LRRC37A3: variants seen among roughly 807,000 people sequenced by gnomAD.
LRRC37A3 encodes the protein leucine-rich repeat-containing protein 37A3.
LRRC37A3 carries 25 observed loss-of-function variants against 106.2 expected under a neutral mutation model. That is an observed-to-expected ratio of 0.24 (90% CI 0.17 to 0.33). LRRC37A3 has a LOEUF of 0.33. Among genes scored for constraint, LRRC37A3 ranks in the 10% least tolerant of loss-of-function variants. The pLI is 1.00. For synonymous variants in LRRC37A3, 305 were observed against 635.8 expected (o/e 0.48, Z 7.83); for missense variants, 712 against 1,644.9 (o/e 0.43, Z 9.81).
intron 10 of LRRC37A3, among the ~76,000 whole-genome samples, chr17:64,863,895 C>T (rs528708188): frequency 6.6e-6 from 1 of 152,126 alleles, no homozygotes; most frequent in East Asian, 1.9e-4. Context: ...CCTCAACCCC[C>T]CTGGGCTCAA....
chr17:64,913,337 GTT>G (rs945846426), intron 2 of LRRC37A3, among the ~76,000 whole-genome samples: 9,452 of 103,784 alleles, frequency 0.091, 1,004 homozygotes, highest in African/African-American at 0.26. Context: ...CCTATTTTGG[GTT>G]TTTTTTTTTT....
At chr17:64,880,065 C>A (rs200262559) in intron 8 of LRRC37A3, among the ~76,000 whole-genome samples, 2 of 151,826 alleles carry the variant, frequency 1.3e-5, no homozygotes, top group Admixed American at 1.3e-4. Context: ...AACTAGGAAG[C>A]TCTTCTCCAG....
chr17:64,859,912 T>C lies in LRRC37A3; in HGVS notation c.4234A>G (p.Thr1412Ala), dbSNP rs768336757. The change falls in exon 12 of 15, where the codon ACC (threonine) becomes GCC (alanine). Residue 1412 changes from threonine (T) to alanine (A), a missense_variant. Thr to Ala is a moderately conservative substitution (Grantham distance 58). Coordinates refer to ENST00000584306, the MANE Select transcript of LRRC37A3 (RefSeq NM_199340.5). ...TTGTAGTTTGTGTTTTCAGAGATGG[T>C]TCCTTCTGGCATGTTAGTGTTTTCC... ...FMENTNMPEG[T>A]ISENTNYNHP... 5 of 1,613,800 alleles carry C rather than the reference T, an allele frequency of 3.1e-6. No homozygotes were observed. The highest frequency in any genetic ancestry group is 1.7e-4 in the Middle Eastern group (1 of 5,934).
chr17:64,877,744 C>T (rs755863339), intron 8 of LRRC37A3, among the ~76,000 whole-genome samples: 6 of 152,048 alleles, frequency 3.9e-5, no homozygotes, highest in Non-Finnish European at 7.4e-5. Flanking sequence ...CACAAATGTC[C>T]CAATTTCAAA....
At chr17:64,856,249 C>T (rs1972675463) in intron 13 of LRRC37A3, among the ~76,000 whole-genome samples, 1 of 152,208 alleles carries the variant, frequency 6.6e-6, no homozygotes. Context: ...CAGTGTCATT[C>T]TCTGTTACTC....
chr17:64,869,845 G>A (rs1000698466), intron 8 of LRRC37A3, among the ~76,000 whole-genome samples: 2 of 151,208 alleles, frequency 1.3e-5, no homozygotes, highest in African/African-American at 4.9e-5. Flanking sequence ...CTGGCTGCTT[G>A]TCTTTTATCT....
chr17:64,910,550 TC>T (rs1404406579), intron 2 of LRRC37A3, among the ~76,000 whole-genome samples: 1 of 151,432 alleles, frequency 6.6e-6, no homozygotes, highest in Non-Finnish European at 1.5e-5. Context: ...CAGAGTTGAC[TC>T]CTACGTTTTC....
chr17:64,854,905 G>A lies in LRRC37A3; in HGVS notation c.4860-261C>T, dbSNP rs28402165. Among the ~76,000 whole-genome samples the A allele has an allele frequency of 2.0e-5, 3 of 152,068 alleles. No individual in the cohort carries two copies. In the East Asian group the frequency reaches 5.8e-4, roughly 29 times the overall value. ...CAGGCTGGAGTGCAATGGTGCTATC[G>A]TGGCTCCCTGCAACCTGCGCCTCCT... On this transcript the variant is annotated intron_variant, in intron 14 of 14. Transcript: ENST00000584306.
intron 2 of LRRC37A3, chr17:64,901,321 G>A (rs1199401329): frequency 2.0e-5 from 3 of 151,070 alleles, no homozygotes; most frequent in African/African-American, 7.4e-5. Context: ...GGCACCAGGT[G>A]GGGGGTCGAA....
At chr17:64,873,035 G>A (rs560004082) in intron 8 of LRRC37A3, among the ~76,000 whole-genome samples, 32 of 152,258 alleles carry the variant, frequency 2.1e-4, no homozygotes, top group Middle Eastern at 3.4e-3. Flanking sequence ...TAAGCTAACC[G>A]AGGAGGGACT....
chr17:64,866,617 TATATATATA>T (rs1322058215), intron 10 of LRRC37A3, among the ~76,000 whole-genome samples: 20 of 24,776 alleles, frequency 8.1e-4, no homozygotes, highest in Non-Finnish European at 1.2e-3. Flanking sequence ...TATATATATA[TATATATATA>T]TATTTTTTTT....
intron 2 of LRRC37A3, among the ~76,000 whole-genome samples, chr17:64,917,267 A>C (rs1330548216): frequency 4.0e-5 from 6 of 151,552 alleles, no homozygotes; most frequent in Non-Finnish European, 1.5e-5. Context: ...AAAAAAAAAA[A>C]AAACCTGAAA....
In LRRC37A3 at chr17:64,868,365, T is replaced by C. The variant is rs1047146335; in HGVS notation, c.3053+97A>G. The C allele has an allele frequency of 1.4e-5, 16 of 1,180,816 alleles. No homozygotes were observed. In the Admixed American group the frequency reaches 1.7e-4, roughly 12 times the overall value. The allele number at this position is 1,180,816 out of a possible 1,614,324, so 73.1% of individuals were successfully genotyped here. On this transcript the variant is annotated intron_variant, in intron 10 of 14. Coordinates refer to ENST00000584306, the MANE Select transcript of LRRC37A3 (RefSeq NM_199340.5). Reference sequence around the variant, plus strand: ...CTTAAAAAGCGTGAATGTTACTATATGAAAATTATACCTCAATGAACCTGA... The same window carrying C: ...CTTAAAAAGCGTGAATGTTACTATACGAAAATTATACCTCAATGAACCTGA...
intron 10 of LRRC37A3, among the ~76,000 whole-genome samples, chr17:64,866,589 CATATATAT>C (rs1212670512): frequency 5.3e-3 from 128 of 24,142 alleles, no homozygotes; most frequent in Non-Finnish European, 8.3e-3. Context: ...TATACACGTA[CATATATAT>C]ATATATATAT....
chr17:64,892,335 AAAT>A (rs1973973692), intron 5 of LRRC37A3, among the ~76,000 whole-genome samples, 191 bp downstream of exon 5: 1 of 81,716 alleles, frequency 1.2e-5, no homozygotes, highest in Non-Finnish European at 2.1e-5. Flanking sequence ...AAATAAATTT[AAAT>A]TGCCTCTTAT....
At chr17:64,876,296 C>T (rs1973513088) in intron 8 of LRRC37A3, among the ~76,000 whole-genome samples, 1 of 152,210 alleles carries the variant, frequency 6.6e-6, no homozygotes, top group African/African-American at 2.4e-5. Flanking sequence ...GATCCTCCTG[C>T]CTTAGCCACC....
rs564695350 is a variant in LRRC37A3 at position 64,864,243 on chromosome 17, TC to T, written c.3054-1226del. Among the ~76,000 whole-genome samples, 726 of 152,246 alleles carry T rather than the reference TC, an allele frequency of 4.8e-3. 7 individuals carry two copies. The highest frequency in any genetic ancestry group is 0.017 in the African/African-American group (691 of 41,540). On this transcript the variant is annotated intron_variant, in intron 10 of 14. Coordinates refer to ENST00000584306, the MANE Select transcript of LRRC37A3 (RefSeq NM_199340.5). The stretch of plus-strand genomic sequence containing the variant: ...GAATACATCACCTATGCAGTATTTT[TC>T]CCAAAAATGCTTAACTTGAATTTCG...
At chr17:64,870,681 G>C (rs1973281998) in intron 8 of LRRC37A3, among the ~76,000 whole-genome samples, 1 of 152,190 alleles carries the variant, frequency 6.6e-6, no homozygotes. Context: ...AAGCAGCAAA[G>C]CTGTAATTTG....
At chr17:64,856,626 C>T (rs1310353213) in intron 13 of LRRC37A3, among the ~76,000 whole-genome samples, 2 of 149,076 alleles carry the variant, frequency 1.3e-5, no homozygotes, top group African/African-American at 5.0e-5. Context: ...AAGATGTGGA[C>T]CTGCTGATGA....
Sources: allele counts gnomAD v4.1 joint callset (sites outside exome capture counted in the v4.1 genomes callset), GRCh38; gene constraint gnomAD v4.1.1; transcripts MANE v1.5; gene names NCBI Gene and HGNC (gene_info 2026-07-23, HGNC 2026-07-21).